Variants in CDCA5 observed in about 807,000 individuals in gnomAD.
The protein encoded by CDCA5 is cell division cycle associated 5, also known as sororin.
CDCA5 carries 14 observed loss-of-function variants against 25.7 expected under a neutral mutation model. That is an observed-to-expected ratio of 0.54 (90% CI 0.36 to 0.85). The LOEUF (loss-of-function observed/expected upper bound fraction) is 0.85, where lower values mean the gene tolerates loss of function less well. Ranked by LOEUF, CDCA5 falls within the 40% of genes least tolerant of loss-of-function variation. The probability of loss-of-function intolerance (pLI) is 0.01; values close to 1 mark genes in which losing one functional copy is unlikely to be tolerated. For synonymous variants in CDCA5, 127 were observed against 128.7 expected (o/e 0.99, Z 0.09); for missense variants, 307 against 324.5 (o/e 0.95, Z 0.41).
chr11:65,073,093 C>G (rs551287050), downstream of CDCA5, among the ~76,000 whole-genome samples: 1 of 151,242 alleles, frequency 6.6e-6, no homozygotes, highest in Non-Finnish European at 1.5e-5. Context: ...TACAGGTGCC[C>G]GCCACCATGC....
intron 1 of CDCA5, among the ~76,000 whole-genome samples, chr11:65,069,898 C>T (rs566908): frequency 0.32 from 49,266 of 152,140 alleles, 10,206 homozygotes; most frequent in Non-Finnish European, 0.47. Context: ...CAGAAGTTTC[C>T]GGAAGATGAG....
At chr11:65,071,075 G>A (rs1336071030) in intron 1 of CDCA5, among the ~76,000 whole-genome samples, 4 of 149,140 alleles carry the variant, frequency 2.7e-5, no homozygotes. Context: ...CCGAGTAGCT[G>A]GGACTACAGG....
At chr11:65,065,698 G>A (rs746389926), downstream of CDCA5, among the ~76,000 whole-genome samples, 1 of 152,112 alleles carries the variant, frequency 6.6e-6, no homozygotes, top group Non-Finnish European at 1.5e-5. Context: ...GACTATATAC[G>A]TGTCAGTTTT....
chr11:65,067,205 G>A (rs749322034), intron 4 of CDCA5, among the ~76,000 whole-genome samples: 11 of 152,208 alleles, frequency 7.2e-5, no homozygotes, highest in Non-Finnish European at 1.0e-4. Context: ...AGGGCTAGCC[G>A]CTCCTTTGGG....
chr11:65,078,276 G>C lies in CDCA5; in HGVS notation c.*831C>G. The C allele has an allele frequency of 3.0e-6, 3 of 985,454 alleles. No individual in the cohort carries two copies. The highest frequency in any genetic ancestry group is 3.6e-6 in the Non-Finnish European group (3 of 829,946). The allele number at this position is 985,454 out of a possible 1,614,324, so 61.0% of individuals were successfully genotyped here. A position where few individuals can be genotyped will look rare whatever the true frequency, so the allele number is the denominator to read the frequency against. On this transcript the variant is annotated 3_prime_UTR_variant, in exon 6 of 6. Coordinates refer to ENST00000275517, the MANE Select transcript of CDCA5 (RefSeq NM_080668.4). Reference sequence around the variant, plus strand: ...CACCTTCCACCCCTGCAGCAGAGTGGTAAGACTCCAGCGTGGGCCCTGTGC... The same window carrying C: ...CACCTTCCACCCCTGCAGCAGAGTGCTAAGACTCCAGCGTGGGCCCTGTGC...
chr11:65,064,449 T>C (rs1193790415), downstream of CDCA5, among the ~76,000 whole-genome samples: 1 of 149,396 alleles, frequency 6.7e-6, no homozygotes, highest in Non-Finnish European at 1.5e-5. Context: ...ATAATTAGTC[T>C]CTCTCTGTGT....
chr11:65,072,225 A>T (rs907629), intron 1 of CDCA5, among the ~76,000 whole-genome samples: 2 of 152,174 alleles, frequency 1.3e-5, no homozygotes, highest in African/African-American at 2.4e-5. Flanking sequence ...GTGGACTGAT[A>T]CCCAAGCAGG....
At chr11:65,074,193 C>A (rs1005253286), downstream of CDCA5, among the ~76,000 whole-genome samples, 22 of 152,318 alleles carry the variant, frequency 1.4e-4, no homozygotes, top group Non-Finnish European at 2.6e-4. Flanking sequence ...CTGCCTCAGC[C>A]ACCCAAGTAG....
intron 4 of CDCA5, 51 bp downstream of exon 4, chr11:65,083,313 C>T (rs769963360): frequency 6.2e-7 from 1 of 1,607,866 alleles, no homozygotes; most frequent in Non-Finnish European, 8.5e-7. Flanking sequence ...TGCTGTCCAG[C>T]TCTAGAGTGA....
In CDCA5 at chr11:65,078,626, A is replaced by C; in HGVS notation, c.*481T>G. ...ATCAAAGGGGAAACCCACGGAACTG[A>C]AAACCTCTTTACACAGGTGGGTTCA... is the stretch of plus-strand genomic sequence containing the variant. On this transcript the variant is annotated 3_prime_UTR_variant, in exon 6 of 6. Coordinates refer to ENST00000275517, the MANE Select transcript of CDCA5 (RefSeq NM_080668.4). 1 of 988,344 alleles carries C rather than the reference A, an allele frequency of 1.0e-6. No individual in the cohort carries two copies. Among genetic ancestry groups the C allele is most frequent in the Non-Finnish European group, 1.2e-6 (1 of 832,000 alleles). 61.2% of individuals were successfully genotyped at this position (988,344 alleles called of 1,614,324 possible). A position where few individuals can be genotyped will look rare whatever the true frequency, so the allele number is the denominator to read the frequency against.
At chr11:65,068,574 A>G (rs1403147612) in exon 2 of CDCA5, 1 of 1,289,364 alleles carries the variant, frequency 7.8e-7, no homozygotes, top group South Asian at 1.2e-5. Context: ...GCCAGCTTGG[A>G]GTGGGCTCTT....
chr11:65,073,471 T>C (rs1394077554), downstream of CDCA5, among the ~76,000 whole-genome samples: 2 of 152,134 alleles, frequency 1.3e-5, no homozygotes, highest in Middle Eastern at 3.4e-3. Context: ...GGGTGACGCG[T>C]GAGCCAGACT....
downstream of CDCA5, among the ~76,000 whole-genome samples, chr11:65,064,576 A>T (rs1276841044): frequency 1.3e-5 from 2 of 152,220 alleles, no homozygotes; most frequent in Non-Finnish European, 2.9e-5. Context: ...TCAGTACCCT[A>T]TGATTCCCTT....
downstream of CDCA5, among the ~76,000 whole-genome samples, chr11:65,076,406 T>G (rs1285426009): frequency 6.6e-6 from 1 of 152,222 alleles, no homozygotes; most frequent in Non-Finnish European, 1.5e-5. Context: ...TCAGCCACTG[T>G]GCCCAGCCTG....
At chr11:65,081,962 C>T (rs1435168453) in intron 4 of CDCA5, among the ~76,000 whole-genome samples, 1 of 152,154 alleles carries the variant, frequency 6.6e-6, no homozygotes, top group East Asian at 1.9e-4. Context: ...ATCTTTAGAA[C>T]TGGTAAGGCC....
chr11:65,078,125 C>T lies in CDCA5; in HGVS notation c.*982G>A, dbSNP rs188480131. ...CTGTCTGGTACGCGAGGAAACTTTC[C>T]GAGGACTTTACAAGCATAGTTGCAA... On this transcript the variant is annotated 3_prime_UTR_variant, in exon 6 of 6. Transcript: ENST00000275517. 51 of 985,160 alleles carry T rather than the reference C, an allele frequency of 5.2e-5. No individual in the cohort carries two copies. The highest frequency in any genetic ancestry group is 1.1e-4 in the East Asian group (1 of 8,808). The allele number at this position is 985,160 out of a possible 1,614,324, so 61.0% of individuals were successfully genotyped here.
At position 65,069,789 on chromosome 11, in the gene CDCA5, T is replaced by C. The variant is rs549243429; in HGVS notation, c.64-1188A>G. 2.0e-5 allele frequency among the ~76,000 whole-genome samples: 3 copies of C among 152,362 alleles called. No individual in the cohort carries two copies. In the East Asian group the frequency reaches 5.8e-4, roughly 29 times the overall value. On this transcript the variant is annotated intron_variant, in intron 1 of 6. Transcript: ENST00000525464. The stretch of plus-strand genomic sequence containing the variant: ...GTAAGGAAACAAAGACTTCTTCACA[T>C]GGTAGGATACAATTCACTCATGCGC...
chr11:65,077,013 C>T (rs1401238877), downstream of CDCA5, among the ~76,000 whole-genome samples: 1 of 152,122 alleles, frequency 6.6e-6, no homozygotes, highest in African/African-American at 2.4e-5. Context: ...ACAGGCCAGG[C>T]GCAGTGGCTC....
At chr11:65,076,701 A>G (rs1947452487), downstream of CDCA5, among the ~76,000 whole-genome samples, 1 of 152,178 alleles carries the variant, frequency 6.6e-6, no homozygotes, top group South Asian at 2.1e-4. Context: ...TCCTAGCCTT[A>G]CCTAAGGCCA....
Sources: gnomAD v4.1 joint callset for allele counts (sites outside exome capture counted in the v4.1 genomes callset) on GRCh38, gnomAD v4.1.1 for gene constraint, MANE v1.5 for transcripts, NCBI Gene and HGNC (gene_info 2026-07-23, HGNC 2026-07-21) for gene names.